ZNF41: variants seen among roughly 807,000 people sequenced by gnomAD.
ZNF41 encodes zinc finger protein 41.
A neutral mutation model predicts 9.3 loss-of-function variants in ZNF41; 6 were observed. The observed-to-expected ratio is 0.65, with a 90% CI of 0.35 to 1.28. The LOEUF is 1.28. Among genes scored for constraint, ZNF41 ranks in the 50% most tolerant of loss-of-function variants. ZNF41 has a pLI of 0.03. For synonymous variants in ZNF41, 192 were observed against 207.1 expected, an observed-to-expected ratio of 0.93 and a Z score of 0.63; for missense variants, 523 against 585.8, an observed-to-expected ratio of 0.89 and a Z score of 1.11.
chrX:47,457,431 T>A (rs2056610391), intron 2 of ZNF41, among the ~76,000 whole-genome samples: 1 of 109,214 alleles, frequency 9.2e-6, no homozygotes, highest in Non-Finnish European at 1.9e-5. Flanking sequence ...AAAGGATTGA[T>A]CACGAGGAAT....
intron 2 of ZNF41, among the ~76,000 whole-genome samples, chrX:47,463,912 T>C (rs763412889): frequency 8.9e-6 from 1 of 111,756 alleles, no homozygotes; most frequent in East Asian, 2.8e-4. Context: ...TCACATTTCT[T>C]GTTCCCTGGT....
chrX:47,471,286 T>A (rs1422812348), intron 1 of ZNF41, among the ~76,000 whole-genome samples: 1 of 109,765 alleles, frequency 9.1e-6, no homozygotes, highest in Non-Finnish European at 1.9e-5. Flanking sequence ...CTATCTCTAC[T>A]GAAAATACAA....
chrX:47,452,958 C>T (rs1008739640), intron 4 of ZNF41, among the ~76,000 whole-genome samples: 1 of 111,970 alleles, frequency 8.9e-6, no homozygotes, highest in African/African-American at 3.2e-5. Context: ...CGGTAAGACC[C>T]TGAGTTATAC....
intron 2 of ZNF41, among the ~76,000 whole-genome samples, chrX:47,459,956 A>AAG (rs1417573468): frequency 9.1e-6 from 1 of 109,576 alleles, no homozygotes; most frequent in Admixed American, 9.9e-5. Context: ...AAAAAAAAAA[A>AAG]TCAATTCCAA....
chrX:47,469,352 T>G, intron 1 of ZNF41, among the ~76,000 whole-genome samples: 1 of 89,352 alleles, frequency 1.1e-5, no homozygotes, highest in Admixed American at 1.3e-4. Flanking sequence ...AGACAGACAA[T>G]TTTAGATATA....
At chrX:47,453,482 T>C (rs1418677617) in intron 4 of ZNF41, among the ~76,000 whole-genome samples, 1 of 112,198 alleles carries the variant, frequency 8.9e-6, no homozygotes, top group Non-Finnish European at 1.9e-5. Context: ...CTATCAGATA[T>C]GGTCAACATT....
intron 2 of ZNF41, among the ~76,000 whole-genome samples, chrX:47,459,104 CT>C (rs761804271): frequency 9.1e-6 from 1 of 110,000 alleles, no homozygotes; most frequent in African/African-American, 3.3e-5. Context: ...AATCCCAGCA[CT>C]TTGGGAGGCT....
chrX:47,478,966 C>A (rs2057408470), intron 1 of ZNF41, among the ~76,000 whole-genome samples: 1 of 110,944 alleles, frequency 9.0e-6, no homozygotes, highest in Admixed American at 9.7e-5. Context: ...TAAAAGACCA[C>A]GTTTTATGAT....
At chrX:47,459,742 TAAAAAAAAAAAAAA>T (rs768291943) in intron 2 of ZNF41, among the ~76,000 whole-genome samples, 3 of 16,162 alleles carry the variant, frequency 1.9e-4, no homozygotes, top group African/African-American at 5.1e-4. Context: ...AGACCCTATC[TAAAAAAAAAAAAAA>T]AAAAAAAAAA....
At position 47,449,081 on chromosome X, in the gene ZNF41, G is replaced by A. The variant is rs1434958870; in HGVS notation, c.689C>T (p.Ser230Phe). The A allele has an allele frequency of 1.7e-6, 2 of 1,211,500 alleles. No homozygotes were observed. Among genetic ancestry groups the A allele is most frequent in the Middle Eastern group, 2.3e-4 (1 of 4,356 alleles). Residue 230 changes from serine (S) to phenylalanine (F), a missense_variant, in exon 5 of 5, where the codon TCT becomes TTT. Coordinates refer to ENST00000684689, the MANE Select transcript of ZNF41 (RefSeq NM_001324144.2). ...TGTTTTAGCATTCTCATTCTTAGTA[G>A]AGGAAGGGCTATGGGGGAAATTGTT... is the stretch of plus-strand genomic sequence containing the variant. The part of the protein sequence containing the change: ...NGNNFPHSPS[S>F]TKNENAKTGA...
chrX:47,474,840 T>A (rs927546536), intron 1 of ZNF41, among the ~76,000 whole-genome samples: 1 of 101,294 alleles, frequency 9.9e-6, no homozygotes, highest in Non-Finnish European at 2.0e-5. Context: ...ATGGCCCTAC[T>A]GTACTTCAGC....
At chrX:47,455,548 G>A (rs1255934188) in intron 4 of ZNF41, among the ~76,000 whole-genome samples, 1 of 111,299 alleles carries the variant, frequency 9.0e-6, no homozygotes, top group Non-Finnish European at 1.9e-5. Flanking sequence ...TCATGTCACT[G>A]CACTCCAGCC....
intron 2 of ZNF41, among the ~76,000 whole-genome samples, chrX:47,458,060 T>G (rs188964776): frequency 1.3e-4 from 15 of 111,131 alleles, no homozygotes; most frequent in Admixed American, 1.2e-3. Context: ...GAAATAAAGG[T>G]GGTAAAACAT....
intron 4 of ZNF41, 125 bp downstream of exon 4, chrX:47,455,795 AT>A: frequency 3.2e-6 from 2 of 625,788 alleles, no homozygotes; most frequent in Non-Finnish European, 5.3e-6. Context: ...ACTATCTCCA[AT>A]TGACTCCAAA....
chrX:47,451,689 A>G lies in ZNF41; in HGVS notation c.296-2215T>C, dbSNP rs368428896. On this transcript the variant is annotated intron_variant, in intron 4 of 4. Transcript: ENST00000684689. ...TCAGGAGTTAGAGACCAGCCTGGCC[A>G]ACATGGCAAAACCCTGTCTCTACTA... Among the ~76,000 whole-genome samples the G allele has an allele frequency of 1.7e-4, 19 of 112,777 alleles. No individual in the cohort carries two copies. The East Asian group carries it at 4.2e-3, about 25-fold the overall frequency.
Position 47,467,561 on chromosome X carries a change from G to A in ZNF41, c.-80C>T, listed in dbSNP as rs1004112537. 2 of 1,117,985 alleles carry A rather than the reference G, an allele frequency of 1.8e-6. No homozygotes were observed. Among genetic ancestry groups the A allele is most frequent in the East Asian group, 3.3e-5 (1 of 30,603 alleles). 92.1% of individuals were successfully genotyped at this position (1,117,985 alleles called of 1,213,427 possible). A position where few individuals can be genotyped will look rare whatever the true frequency, so the allele number is the denominator to read the frequency against. On this transcript the variant is annotated 5_prime_UTR_variant, in exon 2 of 5. Transcript: ENST00000684689. ...CAAGCTGGAAGCTGAGCTGGCATCT[G>A]TGGACTCAACCGGAGCTGCTGGGGC...
At chrX:47,456,549 T>A in intron 2 of ZNF41, 151 bp from the exon 3 acceptor site, 2 of 745,930 alleles carry the variant, frequency 2.7e-6, no homozygotes, top group Non-Finnish European at 3.9e-6. Context: ...TTGTGAGAGC[T>A]AAAAAACTTA....
chrX:47,469,781 A>G (rs1419917333), intron 1 of ZNF41, among the ~76,000 whole-genome samples: 1 of 110,995 alleles, frequency 9.0e-6, no homozygotes, highest in Non-Finnish European at 1.9e-5. Context: ...GAGGCAGGAG[A>G]ATCGCTTGAA....
Position 47,481,477 on chromosome X carries a change from C to T in ZNF41, c.-280+1618G>A, listed in dbSNP as rs892689826. Among the ~76,000 whole-genome samples the T allele has an allele frequency of 5.4e-5, 6 of 110,147 alleles. No individual in the cohort carries two copies. The Admixed American group carries it at 5.8e-4, about 11-fold the overall frequency. ...CAGCCTGGGCAACATAGTGAGACCC[C>T]GTGTCTACACAAAATAAAAAATTAG... On this transcript the variant is annotated intron_variant, in intron 1 of 4. Transcript: ENST00000684689.
Sources: gnomAD v4.1 joint callset for allele counts (sites outside exome capture counted in the v4.1 genomes callset) on GRCh38, gnomAD v4.1.1 for gene constraint, MANE v1.5 for transcripts, NCBI Gene and HGNC (gene_info 2026-07-23, HGNC 2026-07-21) for gene names.